The following AGBL4 variants were observed in gnomAD, a reference collection of about 807,000 sequenced individuals.
AGBL4 encodes the protein AGBL carboxypeptidase 4, also known as cytosolic carboxypeptidase 6.
A neutral mutation model predicts 66.4 loss-of-function variants in AGBL4; 58 were observed. The ratio of observed to expected loss-of-function variants is 0.87; its 90% CI spans 0.71 to 1.09. The LOEUF is 1.09. Ranked by LOEUF, AGBL4 falls within the 50% of genes least tolerant of loss-of-function variation. The pLI, the probability that AGBL4 is intolerant of heterozygous loss-of-function variation, is 0.00. For synonymous variants in AGBL4, 234 were observed against 222.9 expected, an observed-to-expected ratio of 1.05 and a Z score of -0.44; for missense variants, 579 against 631.0, an observed-to-expected ratio of 0.92 and a Z score of 0.88.
At chr1:49,123,296 T>A (rs1645698423) in intron 4 of AGBL4, among the ~76,000 whole-genome samples, 1 of 152,196 alleles carries the variant, frequency 6.6e-6, no homozygotes, top group African/African-American at 2.4e-5. Flanking sequence ...TGGAAAAGGG[T>A]TATACAGACC....
intron 11 of AGBL4, among the ~76,000 whole-genome samples, chr1:48,554,526 T>G (rs558814473): frequency 3.3e-4 from 51 of 152,348 alleles, no homozygotes; most frequent in African/African-American, 1.1e-3. Flanking sequence ...AAAACAGCAA[T>G]GAATCCCATG....
intron 2 of AGBL4, among the ~76,000 whole-genome samples, chr1:49,834,700 T>C (rs186286837): frequency 4.4e-3 from 666 of 152,344 alleles, no homozygotes; most frequent in Middle Eastern, 0.01. Context: ...CTTTCTTCTG[T>C]GGGCATTTAG....
chr1:49,631,738 A>G (rs1276559670), intron 3 of AGBL4, among the ~76,000 whole-genome samples: 1 of 152,220 alleles, frequency 6.6e-6, no homozygotes, highest in East Asian at 1.9e-4. Context: ...ACAAAGCACC[A>G]TATCTGAAAA....
At chr1:49,988,869 G>A (rs2148399149) in intron 1 of AGBL4, among the ~76,000 whole-genome samples, 1 of 152,244 alleles carries the variant, frequency 6.6e-6, no homozygotes. Context: ...TATTTTTGAT[G>A]TGCATTCAAA....
At chr1:48,694,966 C>G (rs1357142362) in intron 6 of AGBL4, among the ~76,000 whole-genome samples, 2 of 152,224 alleles carry the variant, frequency 1.3e-5, no homozygotes, top group Non-Finnish European at 2.9e-5. Flanking sequence ...ATAAATCTCA[C>G]TTGGTTATTC....
chr1:49,132,828 T>G (rs1289190334), intron 4 of AGBL4, among the ~76,000 whole-genome samples: 1 of 152,170 alleles, frequency 6.6e-6, no homozygotes, highest in African/African-American at 2.4e-5. Context: ...GAAGACAGTG[T>G]GGCAATTCCT....
At chr1:48,929,633 T>C (rs79907511) in intron 5 of AGBL4, among the ~76,000 whole-genome samples, 4,396 of 152,254 alleles carry the variant, frequency 0.029, 189 homozygotes, top group African/African-American at 0.1. Flanking sequence ...GCAGAGATCA[T>C]GTGTTTCCTC....
chr1:48,728,482 CTTT>C (rs11441549), intron 6 of AGBL4, among the ~76,000 whole-genome samples: 12 of 137,116 alleles, frequency 8.8e-5, no homozygotes, highest in Non-Finnish European at 9.4e-5. Context: ...TTCTGACTTG[CTTT>C]TTTTTTTTTT....
At chr1:49,550,274 A>T (rs987262034) in intron 3 of AGBL4, among the ~76,000 whole-genome samples, 3 of 152,242 alleles carry the variant, frequency 2.0e-5, no homozygotes, top group African/African-American at 7.2e-5. Context: ...GGCCATTTAC[A>T]TTCAATGTTA....
chr1:49,600,328 G>A (rs533779255), intron 3 of AGBL4, among the ~76,000 whole-genome samples: 1 of 152,226 alleles, frequency 6.6e-6, no homozygotes, highest in East Asian at 1.9e-4. Context: ...AGGATAGTTA[G>A]CTCTTCTTGT....
At chr1:49,816,687 A>G (rs17105775) in intron 2 of AGBL4, among the ~76,000 whole-genome samples, 7,567 of 152,266 alleles carry the variant, frequency 0.05, 575 homozygotes, top group African/African-American at 0.16. Context: ...TACAGACAAT[A>G]CCAATGAAAA....
intron 6 of AGBL4, chr1:48,776,498 AG>A: frequency 1.2e-6 from 1 of 806,612 alleles, no homozygotes; most frequent in South Asian, 2.3e-5. Context: ...GGAGGCAGGA[AG>A]GAGCAAGCAG....
chr1:49,987,335 A>G (rs1321611543), intron 1 of AGBL4, among the ~76,000 whole-genome samples: 1 of 152,092 alleles, frequency 6.6e-6, no homozygotes, highest in African/African-American at 2.4e-5. Context: ...ACATTTTTAC[A>G]TTAGCCCTAT....
At chr1:49,084,703 G>A (rs2147964745) in intron 4 of AGBL4, among the ~76,000 whole-genome samples, 1 of 152,224 alleles carries the variant, frequency 6.6e-6, no homozygotes, top group East Asian at 1.9e-4. Flanking sequence ...AACCATGTCT[G>A]GTAACCTGGG....
rs933470948 is a variant in AGBL4 at position 49,045,647 on chromosome 1, G to A, written c.531C>T (p.Tyr177=). 2.5e-6 allele frequency: 4 copies of A among 1,597,086 alleles called. No individual in the cohort carries two copies. In the African/African-American group the frequency reaches 4.0e-5, roughly 16 times the overall value. Reference sequence around the variant, plus strand: ...TGTTTCTCTTTTGCAGGCTGTCAAGGTAATGTTGGAAGCGAGTGTATGTAT... The same window carrying A: ...TGTTTCTCTTTTGCAGGCTGTCAAGATAATGTTGGAAGCGAGTGTATGTAT... ...YPYTYTRFQH[Y]LDSLQKRNMD... The change falls in exon 5 of 14, where the codon TAC becomes TAT. Residue 177 remains tyrosine (Y), a synonymous_variant. Transcript: ENST00000371839.
chr1:49,202,705 C>T (rs1647807057), intron 4 of AGBL4, among the ~76,000 whole-genome samples: 2 of 151,980 alleles, frequency 1.3e-5, no homozygotes, highest in African/African-American at 2.4e-5. Flanking sequence ...ATAGGCAATG[C>T]TTTCTTGGAT....
intron 3 of AGBL4, among the ~76,000 whole-genome samples, chr1:49,392,497 T>C (rs1644872415): frequency 6.6e-6 from 1 of 152,180 alleles, no homozygotes; most frequent in Non-Finnish European, 1.5e-5. Context: ...CTCTTAATAG[T>C]GAACCACTAA....
intron 3 of AGBL4, among the ~76,000 whole-genome samples, chr1:49,544,601 C>T (rs1652331256): frequency 6.6e-6 from 1 of 152,184 alleles, no homozygotes; most frequent in Admixed American, 6.5e-5. Flanking sequence ...AATCCAGAAT[C>T]ACTTCTGCTA....
chr1:48,727,734 T>C (rs1304896760), intron 6 of AGBL4: 4 of 609,030 alleles, frequency 6.6e-6, no homozygotes, highest in Non-Finnish European at 1.1e-5. Flanking sequence ...CTTTGGAGTG[T>C]CCACATTCAG....
Sources: gnomAD v4.1 joint callset for allele counts (sites outside exome capture counted in the v4.1 genomes callset) on GRCh38, gnomAD v4.1.1 for gene constraint, MANE v1.5 for transcripts, NCBI Gene and HGNC (gene_info 2026-07-23, HGNC 2026-07-21) for gene names.